ERBIN: variants seen among roughly 807,000 people sequenced by gnomAD.
The protein encoded by ERBIN is densin-180-like protein.
A neutral mutation model predicts 158.4 loss-of-function variants in ERBIN; 60 were observed. The observed-to-expected ratio is 0.38, with a 90% CI of 0.31 to 0.47. The LOEUF (loss-of-function observed/expected upper bound fraction) is 0.47, where lower values mean the gene tolerates loss of function less well. ERBIN is among the 20% of genes least tolerant of loss of function. The probability of loss-of-function intolerance (pLI) is 0.99; values close to 1 mark genes in which losing one functional copy is unlikely to be tolerated. For synonymous variants in ERBIN, 594 were observed against 557.2 expected, an observed-to-expected ratio of 1.07 and a Z score of -0.93; for missense variants, 1,610 against 1,648.0, an observed-to-expected ratio of 0.98 and a Z score of 0.40.
intron 1 of ERBIN, among the ~76,000 whole-genome samples, chr5:65,958,485 G>T (rs1747523577): frequency 6.6e-6 from 1 of 152,196 alleles, no homozygotes; most frequent in African/African-American, 2.4e-5. Flanking sequence ...GTCAGGCGGG[G>T]CGGTGCGCGC....
At chr5:66,069,386 G>A (rs1761329507) in intron 21 of ERBIN, among the ~76,000 whole-genome samples, 1 of 152,166 alleles carries the variant, frequency 6.6e-6, no homozygotes, top group Non-Finnish European at 1.5e-5. Context: ...CTGTTACAGG[G>A]AGGAATAATT....
intron 14 of ERBIN, among the ~76,000 whole-genome samples, chr5:66,037,360 G>GA (rs1289590051): frequency 6.6e-6 from 1 of 152,108 alleles, no homozygotes; most frequent in Non-Finnish European, 1.5e-5. Flanking sequence ...AGGGAGGAAT[G>GA]ATGTCACAGC....
intron 21 of ERBIN, among the ~76,000 whole-genome samples, chr5:66,066,424 C>T (rs1760995813): frequency 6.6e-6 from 1 of 151,830 alleles, no homozygotes; most frequent in Middle Eastern, 3.4e-3. Context: ...AAATTTGCTA[C>T]TTTACTCAGC....
chr5:66,041,672 T>G (rs1757932757), intron 15 of ERBIN, among the ~76,000 whole-genome samples: 1 of 152,038 alleles, frequency 6.6e-6, no homozygotes, highest in Non-Finnish European at 1.5e-5. Flanking sequence ...TAAAGTTGCT[T>G]TAGAAATAAT....
intron 1 of ERBIN, among the ~76,000 whole-genome samples, chr5:65,982,793 C>T (rs1750796259): frequency 6.6e-6 from 1 of 152,188 alleles, no homozygotes; most frequent in Non-Finnish European, 1.5e-5. Context: ...TACTTATAGA[C>T]TATGACTCAG....
At chr5:66,042,521 T>C (rs1398451583) in intron 15 of ERBIN, among the ~76,000 whole-genome samples, 2 of 152,092 alleles carry the variant, frequency 1.3e-5, no homozygotes, top group East Asian at 3.8e-4. Flanking sequence ...CCAAACCTTT[T>C]GGAGTGCTGA....
intron 1 of ERBIN, among the ~76,000 whole-genome samples, chr5:65,950,233 C>G (rs1746335715): frequency 6.6e-6 from 1 of 151,794 alleles, no homozygotes; most frequent in Non-Finnish European, 1.5e-5. Context: ...TCTCGATCTC[C>G]TGACCTCGTG....
At chr5:66,018,945 AT>A (rs201373823) in intron 7 of ERBIN, among the ~76,000 whole-genome samples, 8,761 of 151,914 alleles carry the variant, frequency 0.058, 882 homozygotes, top group African/African-American at 0.2. Context: ...GGTATGTCAT[AT>A]TTTTTGTAAC....
rs116351822 is a variant in ERBIN at position 66,025,922 on chromosome 5, C to T, written c.965C>T (p.Thr322Ile). The T allele has an allele frequency of 1.1e-3, 1,793 of 1,595,390 alleles. 23 individuals carry two copies. The African/African-American group carries it at 0.021, about 19-fold the overall frequency. The change falls in exon 12 of 26, where the codon ACT (threonine) becomes ATT (isoleucine). Residue 322 changes from threonine (T) to isoleucine (I), a missense_variant. Thr to Ile is a moderately conservative substitution (Grantham distance 89). Around this residue, in one of 2 missense-constraint regions of ERBIN, gnomAD observed 596 missense variants for 711.9 expected, o/e 0.84. Coordinates refer to ENST00000284037, the MANE Select transcript of ERBIN (RefSeq NM_001253697.2). ...EALPSSIGQL[T>I]NLRTFAADHN... The stretch of plus-strand genomic sequence containing the variant: ...TTGCCTTCATCTATTGGGCAGCTTA[C>T]TAACTTAAGAACTTTTGCTGCTGAT...
Position 66,012,057 on chromosome 5 carries a change from G to C in ERBIN, c.316G>C (p.Glu106Gln). The C allele has an allele frequency of 1.3e-6, 2 of 1,598,644 alleles. No individual in the cohort carries two copies. Among genetic ancestry groups the C allele is most frequent in the East Asian group, 2.2e-5 (1 of 44,666 alleles). Residue 106 changes from glutamate (E) to glutamine (Q), a missense_variant, in exon 5 of 26, where the codon GAG becomes CAG. Glu to Gln is a conservative substitution (Grantham distance 29). Around this residue, in one of 2 missense-constraint regions of ERBIN, gnomAD observed 596 missense variants for 711.9 expected, o/e 0.84. Coordinates refer to ENST00000284037, the MANE Select transcript of ERBIN (RefSeq NM_001253697.2). The part of the protein sequence containing the change: ...ELDVSKNGIQ[E>Q]FPENIKNCKV... ...CGTTGTTTGTTTTCTAGGAATACAGGAGTTTCCAGAAAATATAAAAAATTG... is the reference window on the plus strand; with the variant it reads ...CGTTGTTTGTTTTCTAGGAATACAGCAGTTTCCAGAAAATATAAAAAATTG...
rs763759993 is a variant in ERBIN, at chr5:65,994,873, T to G, written c.307+9T>G. ...GGATGTCAGCAAGAATGGTAAGGCT[T>G]TTTTTGCCCATAATTTTTTGTACTT... On this transcript the variant is annotated intron_variant, in intron 4 of 25. Transcript: ENST00000284037. 2 of 1,534,514 alleles carry G rather than the reference T, an allele frequency of 1.3e-6. No homozygotes were observed. The highest frequency in any genetic ancestry group is 2.8e-5 in the African/African-American group (2 of 72,516).
rs1255900811 is a variant in ERBIN at position 66,048,776 on chromosome 5, A to G, written c.1898A>G (p.Lys633Arg). The G allele has an allele frequency of 6.3e-7, 1 of 1,579,662 alleles. No homozygotes were observed. ...AAAGTCGTAGCACTTAGTAATAACAAAAAAGGTTAGATGTTAAAGGAAAGT... is the reference window on the plus strand; with the variant it reads ...AAAGTCGTAGCACTTAGTAATAACAGAAAAGGTTAGATGTTAAAGGAAAGT... ...QPKVVALSNN[K>R]KDDTKETDSL... The change falls in exon 19 of 26, where the codon AAA (lysine) becomes AGA (arginine). Residue 633 changes from lysine (K) to arginine (R), a missense_variant. Around this residue, in one of 2 missense-constraint regions of ERBIN, gnomAD observed 1,014 missense variants for 936.1 expected, o/e 1.08. Coordinates refer to ENST00000284037, the MANE Select transcript of ERBIN (RefSeq NM_001253697.2).
intron 15 of ERBIN, among the ~76,000 whole-genome samples, chr5:66,040,103 A>T (rs568145512): frequency 1.3e-5 from 2 of 152,030 alleles, no homozygotes; most frequent in African/African-American, 4.8e-5. Flanking sequence ...TTTGAGTCAG[A>T]CACAATGCTA....
chr5:65,947,437 G>C (rs1333838196), intron 1 of ERBIN, among the ~76,000 whole-genome samples: 1 of 152,080 alleles, frequency 6.6e-6, no homozygotes, highest in African/African-American at 2.4e-5. Flanking sequence ...TAGGATCCCT[G>C]TATGTTCAGC....
At chr5:66,038,958 T>A (rs1349515738) in intron 15 of ERBIN, among the ~76,000 whole-genome samples, 1 of 151,952 alleles carries the variant, frequency 6.6e-6, no homozygotes, top group African/African-American at 2.4e-5. Context: ...GATGTTTTTA[T>A]AGATTATGGT....
At chr5:65,981,197 C>T (rs899765910) in intron 1 of ERBIN, among the ~76,000 whole-genome samples, 8 of 151,836 alleles carry the variant, frequency 5.3e-5, no homozygotes, top group South Asian at 4.2e-4. Context: ...CATCAGTAAA[C>T]GAATAAATCA....
At chr5:65,940,483 C>CG (rs1448802452) in intron 1 of ERBIN, among the ~76,000 whole-genome samples, 2 of 130,302 alleles carry the variant, frequency 1.5e-5, no homozygotes, top group African/African-American at 3.2e-5. Flanking sequence ...CAGTCCCCCC[C>CG]CCCCCGGCCA....
At chr5:66,075,863 A>G (rs1761934096) in intron 23 of ERBIN, among the ~76,000 whole-genome samples, 1 of 151,928 alleles carries the variant, frequency 6.6e-6, no homozygotes, top group Non-Finnish European at 1.5e-5. Flanking sequence ...AACAGATTTG[A>G]TAAATAAAGA....
At chr5:65,941,336 C>G (rs56006829) in intron 1 of ERBIN, among the ~76,000 whole-genome samples, 79,603 of 119,576 alleles carry the variant, frequency 0.67, 24,186 homozygotes, top group Non-Finnish European at 0.74. Context: ...AAAAAAAGAA[C>G]AATACAAATA....
Sources: allele counts gnomAD v4.1 joint callset (sites outside exome capture counted in the v4.1 genomes callset), GRCh38; gene constraint gnomAD v4.1.1; regional missense constraint gnomAD v4.1.1; transcripts MANE v1.5; gene names NCBI Gene and HGNC (gene_info 2026-07-23, HGNC 2026-07-21).